The following TNIK variants were observed in gnomAD, a reference collection of about 807,000 sequenced individuals.
TNIK encodes the protein TRAF2 and NCK-interacting protein kinase.
In TNIK, 49 loss-of-function variants were observed where a neutral mutation model predicts 191.3. The observed-to-expected ratio is 0.26, with a 90% CI of 0.20 to 0.32. The LOEUF (loss-of-function observed/expected upper bound fraction) is 0.32. TNIK is among the 10% of genes least tolerant of loss of function. The pLI is 1.00. For synonymous variants in TNIK, 594 were observed against 600.9 expected, an observed-to-expected ratio of 0.99 and a Z score of 0.17; for missense variants, 1,155 against 1,702.3, an observed-to-expected ratio of 0.68 and a Z score of 5.66.
intron 2 of TNIK, among the ~76,000 whole-genome samples, chr3:171,265,872 C>G (rs2109157068): frequency 6.6e-6 from 1 of 152,026 alleles, no homozygotes; most frequent in East Asian, 1.9e-4. Flanking sequence ...TTTTTAAAAT[C>G]ATGAGAAGGG....
chr3:171,266,623 C>G (rs1218876089), intron 2 of TNIK, among the ~76,000 whole-genome samples: 1 of 152,164 alleles, frequency 6.6e-6, no homozygotes, highest in African/African-American at 2.4e-5. Flanking sequence ...TTATCTCATT[C>G]AACAGAGTTG....
chr3:171,065,313 G>C (rs1194145843), intron 32 of TNIK, among the ~76,000 whole-genome samples: 1 of 152,202 alleles, frequency 6.6e-6, no homozygotes, highest in Non-Finnish European at 1.5e-5. Context: ...AGAGTAGTGG[G>C]CCAGGGTTGA....
chr3:171,370,768 C>A (rs954376903), intron 1 of TNIK, among the ~76,000 whole-genome samples: 5 of 152,006 alleles, frequency 3.3e-5, no homozygotes, highest in Non-Finnish European at 5.9e-5. Flanking sequence ...CACAATATTG[C>A]CAGGTCTAAA....
At chr3:171,218,777 A>T (rs1741783258) in intron 3 of TNIK, among the ~76,000 whole-genome samples, 1 of 144,566 alleles carries the variant, frequency 6.9e-6, no homozygotes, top group Non-Finnish European at 1.5e-5. Context: ...TACATGTATT[A>T]TATGCATATC....
At chr3:171,223,214 G>T (rs1355577580) in intron 3 of TNIK, among the ~76,000 whole-genome samples, 1 of 152,146 alleles carries the variant, frequency 6.6e-6, no homozygotes, top group African/African-American at 2.4e-5. Flanking sequence ...TTCTTGGCTG[G>T]AATGTCCTCA....
intron 1 of TNIK, among the ~76,000 whole-genome samples, chr3:171,410,994 A>C (rs560352338): frequency 2.6e-4 from 39 of 152,150 alleles, no homozygotes; most frequent in African/African-American, 8.2e-4. Context: ...AAACAGGGCT[A>C]ATGGCAGAAT....
intron 3 of TNIK, among the ~76,000 whole-genome samples, chr3:171,220,257 G>C (rs1005664664): frequency 1.3e-5 from 2 of 152,156 alleles, no homozygotes; most frequent in African/African-American, 4.8e-5. Flanking sequence ...TGGCGGGCAA[G>C]GGGAGGGAGA....
chr3:171,380,026 C>CAT (rs1491322494), intron 1 of TNIK, among the ~76,000 whole-genome samples: 1 of 60,728 alleles, frequency 1.6e-5, no homozygotes, highest in Non-Finnish European at 3.4e-5. Flanking sequence ...CACACACACA[C>CAT]GCGCACACAC....
rs371808510 is a variant in TNIK at position 171,163,098 on chromosome 3, T to A, written c.950-1762A>T. 3.9e-5 allele frequency among the ~76,000 whole-genome samples: 6 copies of A among 152,184 alleles called. No individual in the cohort carries two copies. In the East Asian group the frequency reaches 5.8e-4, roughly 15 times the overall value. ...ATGAGTAAGGCTGGCAGTATTACAG[T>A]GCATAATATGTTCAGGAAACAATGA... On this transcript the variant is annotated intron_variant, in intron 10 of 32. Coordinates refer to ENST00000436636, the MANE Select transcript of TNIK (RefSeq NM_015028.4).
intron 2 of TNIK, among the ~76,000 whole-genome samples, chr3:171,262,594 G>C (rs537407459): frequency 1.3e-5 from 2 of 152,290 alleles, no homozygotes; most frequent in East Asian, 3.9e-4. Context: ...CTTCTCAAGA[G>C]GAGTGGCATT....
chr3:171,444,019 T>C (rs949852194), intron 1 of TNIK, among the ~76,000 whole-genome samples: 1 of 152,178 alleles, frequency 6.6e-6, no homozygotes, highest in Admixed American at 6.5e-5. Flanking sequence ...AAATAGTTCT[T>C]CTATGAGGGG....
At chr3:171,356,311 T>C (rs1383012197) in intron 2 of TNIK, among the ~76,000 whole-genome samples, 1 of 152,136 alleles carries the variant, frequency 6.6e-6, no homozygotes, top group Non-Finnish European at 1.5e-5. Flanking sequence ...GTATTTTATA[T>C]TGTAAAATGT....
chr3:171,447,099 G>C (rs2108713372), intron 1 of TNIK, among the ~76,000 whole-genome samples: 1 of 152,296 alleles, frequency 6.6e-6, no homozygotes, highest in East Asian at 1.9e-4. Flanking sequence ...GCTGAGGCGG[G>C]AGAATCGCCT....
rs147761706 is a variant in TNIK, at chr3:171,271,201, G to A, written c.124-42980C>T. Among the ~76,000 whole-genome samples the A allele has an allele frequency of 4.3e-4, 66 of 152,222 alleles. 1 individual carries two copies. The highest frequency in any genetic ancestry group is 2.2e-3 in the Admixed American group (33 of 15,292). On this transcript the variant is annotated intron_variant, in intron 2 of 32. Transcript: ENST00000436636. The stretch of plus-strand genomic sequence containing the variant: ...CAACAATTCTTTTCTAATTGCGCAC[G>A]TTTCCTACCTGTGTTGCCAACTCTA...
At chr3:171,327,900 T>TAAAAAAAAAAAAAAAAAAAAAAAAA (rs71634497) in intron 2 of TNIK, among the ~76,000 whole-genome samples, 6 of 79,622 alleles carry the variant, frequency 7.5e-5, no homozygotes, top group African/African-American at 2.0e-4. Context: ...ACCTGGCTCA[T>TAAAAAAAAAAAAAAAAAAAAAAAAA]AAAAAAAAAA....
chr3:171,244,065 T>TTTTG (rs1560312657), intron 2 of TNIK, among the ~76,000 whole-genome samples: 1 of 150,748 alleles, frequency 6.6e-6, no homozygotes, highest in East Asian at 1.9e-4. Flanking sequence ...AAATAGTTTT[T>TTTTG]TTTTTTTTTT....
chr3:171,108,676 CAGGAT>C (rs1349193419), intron 19 of TNIK, among the ~76,000 whole-genome samples: 1 of 152,072 alleles, frequency 6.6e-6, no homozygotes, highest in Non-Finnish European at 1.5e-5. Flanking sequence ...TTTGTCCAAT[CAGGAT>C]AGGTTATTTT....
At chr3:171,125,804 G>C (rs1189866534) in intron 17 of TNIK, 108 bp downstream of exon 17, 1 of 1,478,646 alleles carries the variant, frequency 6.8e-7, no homozygotes, top group Non-Finnish European at 9.2e-7. Flanking sequence ...AGAAGGGGAA[G>C]TGCTTTGGCA....
chr3:171,220,253 G>T (rs1742130900), intron 3 of TNIK, among the ~76,000 whole-genome samples: 1 of 152,112 alleles, frequency 6.6e-6, no homozygotes, highest in South Asian at 2.1e-4. Flanking sequence ...GGGGTGGCGG[G>T]CAAGGGGAGG....
Sources: allele counts gnomAD v4.1 joint callset (sites outside exome capture counted in the v4.1 genomes callset), GRCh38; gene constraint gnomAD v4.1.1; transcripts MANE v1.5; gene names NCBI Gene and HGNC (gene_info 2026-07-23, HGNC 2026-07-21).